ASTN2: variants seen among roughly 807,000 people sequenced by gnomAD.
The protein encoded by ASTN2 is astrotactin-2.
In ASTN2, 54 loss-of-function variants were observed where a neutral mutation model predicts 139.8. That is an observed-to-expected ratio of 0.39 (90% CI 0.31 to 0.48). The LOEUF (loss-of-function observed/expected upper bound fraction) is 0.48. ASTN2 is among the 20% of genes least tolerant of loss of function. The pLI is 0.95. For synonymous variants in ASTN2, 756 were observed against 719.5 expected, an observed-to-expected ratio of 1.05 and a Z score of -0.81; for missense variants, 1,565 against 1,725.1, an observed-to-expected ratio of 0.91 and a Z score of 1.64.
chr9:117,120,016 G>GTATA (rs1385401943), intron 4 of ASTN2, among the ~76,000 whole-genome samples: 10 of 33,834 alleles, frequency 3.0e-4, no homozygotes, highest in Admixed American at 9.9e-4. Flanking sequence ...GTGTGTGTGT[G>GTATA]TGTATATATA....
At chr9:116,696,067 T>C (rs575809349) in intron 16 of ASTN2, among the ~76,000 whole-genome samples, 2 of 152,232 alleles carry the variant, frequency 1.3e-5, no homozygotes, top group East Asian at 3.9e-4. Flanking sequence ...ATTATCCCCG[T>C]CTTCTCTGAT....
chr9:116,745,638 G>A (rs1294578667), intron 13 of ASTN2, among the ~76,000 whole-genome samples: 1 of 152,118 alleles, frequency 6.6e-6, no homozygotes, highest in Non-Finnish European at 1.5e-5. Flanking sequence ...CTGATTCCAG[G>A]GTTTGGTATA....
At chr9:116,632,283 A>AAGAAAGAAAGAAAGAAAGAT (rs1175363468) in intron 17 of ASTN2, among the ~76,000 whole-genome samples, 1 of 150,062 alleles carries the variant, frequency 6.7e-6, no homozygotes, top group African/African-American at 2.5e-5. Context: ...GAAAGAAAGA[A>AAGAAAGAAAGAAAGAAAGAT]AGATCACAAG....
chr9:117,396,971 T>C (rs902647690), intron 1 of ASTN2, among the ~76,000 whole-genome samples: 28 of 146,060 alleles, frequency 1.9e-4, no homozygotes, highest in African/African-American at 7.2e-4. Flanking sequence ...AGGGGGAGTC[T>C]CGCTTTGTCA....
chr9:116,605,098 A>G (rs973303513), intron 19 of ASTN2, among the ~76,000 whole-genome samples: 4 of 152,136 alleles, frequency 2.6e-5, no homozygotes, highest in Non-Finnish European at 5.9e-5. Context: ...AAAGGTAGAA[A>G]AAGAAGAAAA....
intron 5 of ASTN2, among the ~76,000 whole-genome samples, chr9:117,078,089 C>T (rs1258893214): frequency 6.6e-6 from 1 of 152,126 alleles, no homozygotes; most frequent in Non-Finnish European, 1.5e-5. Flanking sequence ...CAGGTGAGCT[C>T]CTCCCTTAGA....
At chr9:116,742,975 C>T (rs537948582) in intron 13 of ASTN2, among the ~76,000 whole-genome samples, 1 of 152,056 alleles carries the variant, frequency 6.6e-6, no homozygotes, top group African/African-American at 2.4e-5. Flanking sequence ...ACCATCCATA[C>T]CTCAATGGAT....
chr9:117,301,869 T>G (rs1172207866), intron 1 of ASTN2, among the ~76,000 whole-genome samples: 1 of 150,578 alleles, frequency 6.6e-6, no homozygotes. Flanking sequence ...ACAAATTAAG[T>G]TCACCTCTCT....
intron 10 of ASTN2, among the ~76,000 whole-genome samples, chr9:116,916,917 T>C (rs1039419707): frequency 1.3e-5 from 2 of 152,132 alleles, no homozygotes; most frequent in African/African-American, 4.8e-5. Flanking sequence ...TCTTTCCCAT[T>C]GATCCAAGAT....
rs1491517399 is a variant in ASTN2 at position 117,060,460 on chromosome 9, G to GAAA, written c.1277-20496_1277-20495insTTT. Among the ~76,000 whole-genome samples the GAAA allele has an allele frequency of 2.2e-3, 94 of 41,840 alleles. 11 individuals are homozygous for GAAA. Among genetic ancestry groups the GAAA allele is most frequent in the East Asian group, 0.02 (17 of 866 alleles). 27.4% of individuals were successfully genotyped at this position (41,840 alleles called of 152,430 possible). ...AGAGAGAGAGAAAGAAAGAAAGAAA[G>GAAA]GAAGGAAGGAAGGAAGGAAGGAAGG... On this transcript the variant is annotated intron_variant, in intron 5 of 22. Coordinates refer to ENST00000313400, the MANE Select transcript of ASTN2 (RefSeq NM_001365068.1).
At chr9:116,675,547 T>G (rs1046019971) in intron 16 of ASTN2, among the ~76,000 whole-genome samples, 2 of 152,130 alleles carry the variant, frequency 1.3e-5, no homozygotes, top group African/African-American at 4.8e-5. Context: ...CAGGAGGATT[T>G]CGAGGAGGAT....
At chr9:116,531,620 G>GT (rs1477653827) in intron 19 of ASTN2, among the ~76,000 whole-genome samples, 1 of 151,048 alleles carries the variant, frequency 6.6e-6, no homozygotes, top group East Asian at 2.0e-4. Context: ...GTGGTGGTTG[G>GT]TTTTTTGTCC....
chr9:116,725,961 G>A lies in ASTN2; in HGVS notation c.2627-11C>T, dbSNP rs772370641. The A allele has an allele frequency of 6.2e-7, 1 of 1,607,148 alleles. No individual in the cohort carries two copies. The highest frequency in any genetic ancestry group is 1.1e-5 in the South Asian group (1 of 90,030). On this transcript the variant is annotated splice_polypyrimidine_tract_variant and intron_variant, in intron 15 of 22. Coordinates refer to ENST00000313400, the MANE Select transcript of ASTN2 (RefSeq NM_001365068.1). ...GAACATTAGTGAAGCCTGGACAAGA[G>A]AGGAGCATGTGGAGGTGGTCAGATG...
chr9:116,525,339 G>C (rs1851045812), intron 19 of ASTN2, among the ~76,000 whole-genome samples: 1 of 152,206 alleles, frequency 6.6e-6, no homozygotes, highest in South Asian at 2.1e-4. Flanking sequence ...ATGTGCTGTA[G>C]ATCATGCTCC....
intron 5 of ASTN2, among the ~76,000 whole-genome samples, chr9:117,086,341 G>A (rs970736771): frequency 3.3e-5 from 5 of 152,272 alleles, no homozygotes; most frequent in South Asian, 2.1e-4. Context: ...TTGGGAAGCC[G>A]AGGCAGGCGG....
intron 11 of ASTN2, among the ~76,000 whole-genome samples, chr9:116,849,647 G>A (rs561803540): frequency 5.9e-5 from 9 of 152,292 alleles, no homozygotes; most frequent in African/African-American, 2.2e-4. Context: ...AATAACTTGT[G>A]CCTAGCAGTG....
intron 4 of ASTN2, among the ~76,000 whole-genome samples, chr9:117,123,828 T>C (rs982462657): frequency 1.3e-5 from 2 of 152,152 alleles, no homozygotes; most frequent in African/African-American, 4.8e-5. Flanking sequence ...GGACTTGGAC[T>C]TCACCAGGAA....
At chr9:116,489,387 A>T (rs927768630) in intron 19 of ASTN2, among the ~76,000 whole-genome samples, 7 of 151,902 alleles carry the variant, frequency 4.6e-5, no homozygotes, top group African/African-American at 1.7e-4. Context: ...CCAAGTCTGG[A>T]GTGCAGTGGT....
At chr9:116,880,698 CCCTT>C (rs1833430129) in intron 10 of ASTN2, among the ~76,000 whole-genome samples, 1 of 152,090 alleles carries the variant, frequency 6.6e-6, no homozygotes, top group African/African-American at 2.4e-5. Flanking sequence ...TTCTGTGTCT[CCCTT>C]CCTGTTCCTT....
Sources: gnomAD v4.1 joint callset for allele counts (sites outside exome capture counted in the v4.1 genomes callset) on GRCh38, gnomAD v4.1.1 for gene constraint, MANE v1.5 for transcripts, NCBI Gene and HGNC (gene_info 2026-07-23, HGNC 2026-07-21) for gene names.